The following SLC25A35 variants were observed in gnomAD, a reference collection of about 807,000 sequenced individuals.
The protein encoded by SLC25A35 is solute carrier family 25, member 35.
In SLC25A35, 32 loss-of-function variants were observed where a neutral mutation model predicts 30.5. The ratio of observed to expected loss-of-function variants is 1.05; its 90% CI spans 0.79 to 1.41. SLC25A35 has a LOEUF of 1.41. Ranked by LOEUF, SLC25A35 falls within the 40% of genes most tolerant of loss-of-function variation. SLC25A35 has a pLI of 0.00. For missense variants in SLC25A35, 369 were observed against 388.0 expected, an observed-to-expected ratio of 0.95 and a Z score of 0.41; for synonymous variants, 142 against 158.1, an observed-to-expected ratio of 0.90 and a Z score of 0.77.
chr17:8,289,970 C>T, downstream of SLC25A35: 1 of 1,613,394 alleles, frequency 6.2e-7, no homozygotes, highest in Non-Finnish European at 8.5e-7. Context: ...TTGCTGAGAA[C>T]TTGGGGACTC....
rs1245895199 is a variant in SLC25A35 at position 8,290,195 on chromosome 17, A to C, written c.*310T>G. On this transcript the variant is annotated 3_prime_UTR_variant, in exon 5 of 5. Transcript: ENST00000577745. ...TGGAGGGAGGAGTTTAAAACTGTGC[A>C]TGGGAGCAGGAGGGACTCAAGGGTG... 2 of 1,429,156 alleles carry C rather than the reference A, an allele frequency of 1.4e-6. No homozygotes were observed. The highest frequency in any genetic ancestry group is 1.8e-6 in the Non-Finnish European group (2 of 1,097,044). The allele number at this position is 1,429,156 out of a possible 1,614,324, so 88.5% of individuals were successfully genotyped here.
At chr17:8,289,347 TGA>T, downstream of SLC25A35, 1 of 1,614,164 alleles carries the variant, frequency 6.2e-7, no homozygotes, top group South Asian at 1.1e-5. Flanking sequence ...AACCTGGCCC[TGA>T]GGGGCCGCTG....
At chr17:8,292,852 G>A (rs567318631) in intron 1 of SLC25A35, among the ~76,000 whole-genome samples, 1 of 152,212 alleles carries the variant, frequency 6.6e-6, no homozygotes, top group East Asian at 1.9e-4. Context: ...AGTCGGGGGT[G>A]GAGTGGTTGG....
chr17:8,289,707 A>G, downstream of SLC25A35: 1 of 1,612,592 alleles, frequency 6.2e-7, no homozygotes, highest in Non-Finnish European at 8.5e-7. Flanking sequence ...AGTGGGCCAG[A>G]GGTTTGGGGT....
In SLC25A35 at chr17:8,294,624, G is replaced by C. The variant is rs370716352; in HGVS notation, c.184C>G (p.Leu62Val). ...TIGKVDGLAALQKGLAPALLY... is the reference protein window; with the variant it reads ...TIGKVDGLAAVQKGLAPALLY... ...AGGGCGGGGGCCAGGCCTTTCTGCA[G>C]GGCAGCAAGGCCATCCACCTTGCCG... The change falls in exon 1 of 5, where the codon CTG becomes GTG. Residue 62 changes from leucine to valine, a missense_variant. Physicochemically the swap from Leu to Val is conservative, Grantham distance 32. Transcript: ENST00000577745. 6.2e-7 allele frequency: 1 copy of C among 1,614,200 alleles called. No individual in the cohort carries two copies. The highest frequency in any genetic ancestry group is 8.5e-7 in the Non-Finnish European group (1 of 1,180,040).
In SLC25A35 at chr17:8,290,515, T is replaced by G. The variant is rs993603649; in HGVS notation, c.893A>C (p.Asp298Ala). The G allele has an allele frequency of 1.3e-6, 2 of 1,535,736 alleles. No individual in the cohort carries two copies. Among genetic ancestry groups the G allele is most frequent in the Admixed American group, 3.9e-5 (2 of 50,946 alleles). ...WDQLRSLYYT[D>A]TK ...CTGGGAAAGCGGCTGTTATTTAGTG[T>G]CTGTGTAGTAGAGGGAGCGCAGCTG... Residue 298 changes from aspartate (D) to alanine (A), a missense_variant, in exon 5 of 5, where the codon GAC (aspartate) becomes GCC (alanine). Coordinates refer to ENST00000577745, the MANE Select transcript of SLC25A35 (RefSeq NM_001320870.2).
chr17:8,295,362 G>A lies in SLC25A35; in HGVS notation c.-555C>T. Reference sequence around the variant, plus strand: ...GGAGCTCGCAGTAGCTTCAACCCCGGGTAGCCTGCGGAGGCCGGGCCGCCA... The same window carrying A: ...GGAGCTCGCAGTAGCTTCAACCCCGAGTAGCCTGCGGAGGCCGGGCCGCCA... On this transcript the variant is annotated 5_prime_UTR_variant, in exon 1 of 5. Coordinates refer to ENST00000577745, the MANE Select transcript of SLC25A35 (RefSeq NM_001320870.2). The A allele has an allele frequency of 1.0e-6, 1 of 985,792 alleles. No homozygotes were observed. Among genetic ancestry groups the A allele is most frequent in the Non-Finnish European group, 1.2e-6 (1 of 830,230 alleles). The allele number at this position is 985,792 out of a possible 1,614,324, so 61.1% of individuals were successfully genotyped here.
Position 8,294,642 on chromosome 17 carries a change from C to G in SLC25A35, c.166G>C (p.Val56Leu). 6.2e-7 allele frequency: 1 copy of G among 1,614,198 alleles called. No homozygotes were observed. The highest frequency in any genetic ancestry group is 8.5e-7 in the Non-Finnish European group (1 of 1,180,038). The change falls in exon 1 of 5, where the codon GTG (valine) becomes CTG (leucine). Residue 56 changes from valine to leucine, a missense_variant. Physicochemically the swap from Val to Leu is conservative, Grantham distance 32. Coordinates refer to ENST00000577745, the MANE Select transcript of SLC25A35 (RefSeq NM_001320870.2). Reference protein sequence around the residue: ...VFHAFITIGKVDGLAALQKGL... With the variant: ...VFHAFITIGKLDGLAALQKGL... The stretch of plus-strand genomic sequence containing the variant: ...TTCTGCAGGGCAGCAAGGCCATCCA[C>G]CTTGCCGATGGTGATGAAGGCATGG...
intron 3 of SLC25A35, 98 bp downstream of exon 3, chr17:8,291,235 C>G: frequency 6.5e-7 from 1 of 1,536,194 alleles, no homozygotes; most frequent in Non-Finnish European, 8.9e-7. Flanking sequence ...CACTCCCTCA[C>G]CTGTGAATGT....
chr17:8,293,931 T>TTTTTTTTTTTTTTTTTTTTTTTTG (rs1491485762), intron 1 of SLC25A35, among the ~76,000 whole-genome samples: 1 of 126,832 alleles, frequency 7.9e-6, no homozygotes, highest in African/African-American at 3.0e-5. Flanking sequence ...TTTTTTTTTT[T>TTTTTTTTTTTTTTTTTTTTTTTTG]GTGAGACGTA....
rs552076794 is a variant in SLC25A35, at chr17:8,290,607, G to A, written c.801C>T (p.Tyr267=). 15 of 1,536,936 alleles carry A rather than the reference G, an allele frequency of 9.8e-6. No homozygotes were observed. In the South Asian group the frequency reaches 1.5e-4, roughly 16 times the overall value. The change falls in exon 5 of 5, where the codon TAC becomes TAT. Residue 267 remains tyrosine, a synonymous_variant. Transcript: ENST00000577745. ...TARTEGIFGM[Y]KGIGASYFRL... The stretch of plus-strand genomic sequence containing the variant: ...GGAAGTAGGAGGCACCTATACCCTT[G>A]TACATGCCAAAAATGCCCTCGGTCC...
Position 8,294,634 on chromosome 17 carries a change from G to A in SLC25A35, c.174C>T (p.Gly58=). The change falls in exon 1 of 5, where the codon GGC becomes GGT. Residue 58 remains glycine (G), a synonymous_variant. Coordinates refer to ENST00000577745, the MANE Select transcript of SLC25A35 (RefSeq NM_001320870.2). ...HAFITIGKVD[G]LAALQKGLAP... ...CCAGGCCTTTCTGCAGGGCAGCAAG[G>A]CCATCCACCTTGCCGATGGTGATGA... 6.2e-7 allele frequency: 1 copy of A among 1,614,204 alleles called. No homozygotes were observed. Among genetic ancestry groups the A allele is most frequent in the East Asian group, 2.2e-5 (1 of 44,874 alleles).
At position 8,295,350 on chromosome 17, in the gene SLC25A35, G is replaced by C; in HGVS notation, c.-543C>G. 2.0e-6 allele frequency: 2 copies of C among 985,784 alleles called. No homozygotes were observed. Among genetic ancestry groups the C allele is most frequent in the Non-Finnish European group, 2.4e-6 (2 of 830,188 alleles). 61.1% of individuals were successfully genotyped at this position (985,784 alleles called of 1,614,324 possible). On this transcript the variant is annotated 5_prime_UTR_variant, in exon 1 of 5. Coordinates refer to ENST00000577745, the MANE Select transcript of SLC25A35 (RefSeq NM_001320870.2). Reference sequence around the variant, plus strand: ...CAGGCAGCCACCGGAGCTCGCAGTAGCTTCAACCCCGGGTAGCCTGCGGAG... The same window carrying C: ...CAGGCAGCCACCGGAGCTCGCAGTACCTTCAACCCCGGGTAGCCTGCGGAG...
downstream of SLC25A35, chr17:8,289,787 G>A (rs778569526): frequency 1.2e-6 from 2 of 1,613,582 alleles, no homozygotes; most frequent in East Asian, 2.2e-5. Context: ...ATGATGTTCT[G>A]TCTCCATCTG....
downstream of SLC25A35, chr17:8,288,151 G>C (rs3760463): frequency 1.3e-5 from 2 of 158,838 alleles, no homozygotes; most frequent in East Asian, 3.8e-4. Flanking sequence ...AAAGGACGAG[G>C]AGGCCAGGCG....
intron 1 of SLC25A35, 51 bp from the exon 2 acceptor site, chr17:8,292,639 C>T: frequency 6.4e-7 from 1 of 1,553,258 alleles, no homozygotes; most frequent in South Asian, 1.1e-5. Context: ...ATCCTCCTAC[C>T]TGAGAACCAA....
rs545370059 is a variant in SLC25A35 at position 8,290,780 on chromosome 17, G to T, written c.729+62C>A. The T allele has an allele frequency of 1.7e-5, 27 of 1,604,392 alleles. 1 individual carries two copies. The South Asian group carries it at 2.9e-4, about 17-fold the overall frequency. On this transcript the variant is annotated intron_variant, in intron 4 of 4. Coordinates refer to ENST00000577745, the MANE Select transcript of SLC25A35 (RefSeq NM_001320870.2). ...GGCTGCATTTCAGGCTATCCCACCT[G>T]CACCCGCAATCTGCCTTCCCCATCC...
At position 8,290,685 on chromosome 17, in the gene SLC25A35, G is replaced by T; in HGVS notation, c.730-7C>A. ...TCCCCCGGTACATGAGGCCCTGAGA[G>T]TGTGTCAGAGAGGGAGGGAGAGCAC... On this transcript the variant is annotated splice_polypyrimidine_tract_variant and splice_region_variant and intron_variant, in intron 4 of 4. Coordinates refer to ENST00000577745, the MANE Select transcript of SLC25A35 (RefSeq NM_001320870.2). The T allele has an allele frequency of 6.3e-7, 1 of 1,592,614 alleles. No homozygotes were observed. Among genetic ancestry groups the T allele is most frequent in the Non-Finnish European group, 8.5e-7 (1 of 1,175,312 alleles).
At chr17:8,287,891 G>T (rs1158495391), downstream of SLC25A35, 1 of 152,166 alleles carries the variant, frequency 6.6e-6, no homozygotes, top group Non-Finnish European at 1.5e-5. Context: ...CTAATACCCA[G>T]GTTGGCTCTC....
Sources: allele counts gnomAD v4.1 joint callset (sites outside exome capture counted in the v4.1 genomes callset), GRCh38; gene constraint gnomAD v4.1.1; transcripts MANE v1.5; gene names NCBI Gene and HGNC (gene_info 2026-07-23, HGNC 2026-07-21).